Variants in ZBTB16 observed in about 807,000 individuals in gnomAD.
The protein encoded by ZBTB16 is zinc finger and BTB domain-containing protein 16.
In ZBTB16, 8 loss-of-function variants were observed where a neutral mutation model predicts 56.8. That is an observed-to-expected ratio of 0.14 (90% CI 0.08 to 0.25). The LOEUF is 0.25. ZBTB16 is among the 10% of genes least tolerant of loss of function. ZBTB16 has a pLI of 1.00. For synonymous variants in ZBTB16, 363 were observed against 368.5 expected (o/e 0.98, Z 0.17); for missense variants, 625 against 903.0 (o/e 0.69, Z 3.95).
intron 2 of ZBTB16, among the ~76,000 whole-genome samples, chr11:114,154,675 A>G (rs1302231001): frequency 6.6e-6 from 1 of 152,242 alleles, no homozygotes; most frequent in African/African-American, 2.4e-5. Flanking sequence ...GTGGATCAGC[A>G]TGGCAAGGAG....
At chr11:114,098,276 C>T (rs1033657826) in intron 2 of ZBTB16, among the ~76,000 whole-genome samples, 3 of 152,210 alleles carry the variant, frequency 2.0e-5, no homozygotes, top group South Asian at 2.1e-4. Flanking sequence ...CCAGCAGCCT[C>T]GTTCTGTGCT....
chr11:114,073,024 C>G (rs2137676609), intron 2 of ZBTB16, among the ~76,000 whole-genome samples: 1 of 146,784 alleles, frequency 6.8e-6, no homozygotes, highest in Middle Eastern at 3.6e-3. Context: ...TCACTACACT[C>G]CAGCCTGGGC....
At chr11:114,152,442 G>A (rs1161427339) in intron 2 of ZBTB16, among the ~76,000 whole-genome samples, 2 of 152,232 alleles carry the variant, frequency 1.3e-5, no homozygotes, top group African/African-American at 2.4e-5. Context: ...TGTTTAGCTT[G>A]AATTTCTCAT....
Position 114,252,700 on chromosome 11 carries a change from G to A in ZBTB16, c.*2145G>A, listed in dbSNP as rs1239701469. 1.3e-5 allele frequency among the ~76,000 whole-genome samples: 2 copies of A among 152,134 alleles called. No homozygotes were observed. Among genetic ancestry groups the A allele is most frequent in the Admixed American group, 1.3e-4 (2 of 15,286 alleles). ...GCGTTTTGATCTTAGGTTTTACAAA[G>A]TGGTTTAGGGAAGCGGTTTTGGGGA... On this transcript the variant is annotated 3_prime_UTR_variant, in exon 7 of 7. Coordinates refer to ENST00000335953, the MANE Select transcript of ZBTB16 (RefSeq NM_006006.6).
chr11:114,110,305 A>G (rs987222228), intron 2 of ZBTB16, among the ~76,000 whole-genome samples: 1 of 152,200 alleles, frequency 6.6e-6, no homozygotes, highest in African/African-American at 2.4e-5. Context: ...ACCTGTGCAC[A>G]GTCCCCCAAG....
chr11:114,175,656 T>G (rs1943090888), intron 3 of ZBTB16, among the ~76,000 whole-genome samples: 1 of 152,014 alleles, frequency 6.6e-6, no homozygotes, highest in African/African-American at 2.4e-5. Context: ...GCCAAAGAGA[T>G]CTCAGCATTG....
chr11:114,183,588 T>G (rs540954237), intron 3 of ZBTB16, among the ~76,000 whole-genome samples: 1 of 152,178 alleles, frequency 6.6e-6, no homozygotes, highest in Non-Finnish European at 1.5e-5. Context: ...CAGCTGGTGC[T>G]TCCCTCCTCG....
intron 4 of ZBTB16, among the ~76,000 whole-genome samples, chr11:114,200,123 G>A (rs867853944): frequency 3.0e-5 from 4 of 131,186 alleles, no homozygotes; most frequent in Admixed American, 2.4e-4. Context: ...GCGAGACTCC[G>A]TCTCAAAAAA....
intron 4 of ZBTB16, among the ~76,000 whole-genome samples, chr11:114,199,487 C>T (rs916451166): frequency 6.6e-6 from 1 of 152,250 alleles, no homozygotes; most frequent in Non-Finnish European, 1.5e-5. Context: ...TTGCCCTTCC[C>T]CGGCCTCCCA....
chr11:114,235,668 TTC>T (rs1342515205), intron 4 of ZBTB16, among the ~76,000 whole-genome samples: 2 of 23,850 alleles, frequency 8.4e-5, no homozygotes, highest in African/African-American at 2.1e-4. Flanking sequence ...CTTTCTTTCT[TTC>T]TTTCTTTCTT....
chr11:114,202,066 A>T (rs1334962644), intron 4 of ZBTB16, among the ~76,000 whole-genome samples: 1 of 152,218 alleles, frequency 6.6e-6, no homozygotes, highest in Non-Finnish European at 1.5e-5. Context: ...GAACAGATAA[A>T]TGCCAGATGG....
At chr11:114,082,064 G>A (rs370123464) in intron 2 of ZBTB16, among the ~76,000 whole-genome samples, 14 of 150,328 alleles carry the variant, frequency 9.3e-5, no homozygotes, top group South Asian at 2.1e-4. Context: ...GGAGGATTGC[G>A]TGAGGCCAGA....
chr11:114,181,293 C>A (rs889817295), intron 3 of ZBTB16, among the ~76,000 whole-genome samples: 1 of 152,236 alleles, frequency 6.6e-6, no homozygotes, highest in Non-Finnish European at 1.5e-5. Flanking sequence ...ACTTTCCCCA[C>A]CTTGTCGCAA....
intron 4 of ZBTB16, among the ~76,000 whole-genome samples, chr11:114,191,054 C>A (rs1943482107): frequency 6.6e-6 from 1 of 152,100 alleles, no homozygotes; most frequent in African/African-American, 2.4e-5. Flanking sequence ...CAGCTGCACA[C>A]TTTTAAATGA....
chr11:114,130,886 GCTAA>G (rs775786208), intron 2 of ZBTB16, among the ~76,000 whole-genome samples: 6 of 152,310 alleles, frequency 3.9e-5, no homozygotes, highest in Non-Finnish European at 7.4e-5. Flanking sequence ...ACATTTTCTG[GCTAA>G]CTGAGGCTTA....
intron 4 of ZBTB16, among the ~76,000 whole-genome samples, chr11:114,219,037 C>T (rs1944168983): frequency 6.6e-6 from 1 of 151,968 alleles, no homozygotes; most frequent in Non-Finnish European, 1.5e-5. Context: ...TGTGCATGTG[C>T]GTGTGCACGC....
intron 2 of ZBTB16, among the ~76,000 whole-genome samples, chr11:114,142,770 C>A (rs1483020050): frequency 1.3e-5 from 2 of 151,496 alleles, no homozygotes; most frequent in Non-Finnish European, 2.9e-5. Context: ...GGAGGGGGAG[C>A]TGGGGGGATT....
intron 3 of ZBTB16, 75 bp downstream of exon 3, chr11:114,156,509 C>A: frequency 1.5e-6 from 2 of 1,361,756 alleles, no homozygotes; most frequent in Non-Finnish European, 2.1e-6. Context: ...CTCCTCAGAG[C>A]CTGCTGTGGC....
At chr11:114,217,376 G>C (rs565741411) in intron 4 of ZBTB16, among the ~76,000 whole-genome samples, 1 of 152,300 alleles carries the variant, frequency 6.6e-6, no homozygotes, top group East Asian at 1.9e-4. Context: ...TGGCTATCCT[G>C]ATGAGGGATG....
Sources: allele counts gnomAD v4.1 joint callset (sites outside exome capture counted in the v4.1 genomes callset), GRCh38; gene constraint gnomAD v4.1.1; transcripts MANE v1.5; gene names NCBI Gene and HGNC (gene_info 2026-07-23, HGNC 2026-07-21).